The following SNX29 variants were observed in gnomAD, a reference collection of about 807,000 sequenced individuals.
The protein encoded by SNX29 is sorting nexin-29.
SNX29 carries 78 observed loss-of-function variants against 102.1 expected under a neutral mutation model. The ratio of observed to expected loss-of-function variants is 0.76; its 90% CI spans 0.64 to 0.92. SNX29 has a LOEUF of 0.92. SNX29 is among the 40% of genes least tolerant of loss of function. SNX29 has a pLI of 0.00. For missense variants in SNX29, 1,280 were observed against 1,061.7 expected (o/e 1.21, Z -2.86); for synonymous variants, 580 against 414.5 (o/e 1.40, Z -4.85).
chr16:12,462,519 A>G (rs1428677534), intron 18 of SNX29, among the ~76,000 whole-genome samples: 4 of 152,210 alleles, frequency 2.6e-5, no homozygotes, highest in African/African-American at 9.7e-5. Context: ...ATAAAAATCT[A>G]TCACCATTCA....
chr16:12,167,472 T>C (rs1704094), intron 13 of SNX29, among the ~76,000 whole-genome samples: 71,422 of 151,972 alleles, frequency 0.47, 21,292 homozygotes, highest in African/African-American at 0.83. Flanking sequence ...AGGGTTGACT[T>C]CTCCACCCAC....
rs555349232 is a variant in SNX29, at chr16:12,398,489, C to T, written c.1943C>T (p.Ser648Leu). The T allele has an allele frequency of 2.6e-5, 42 of 1,613,896 alleles. No homozygotes were observed. Among genetic ancestry groups the T allele is most frequent in the Non-Finnish European group, 3.5e-5 (41 of 1,179,858 alleles). The change falls in exon 17 of 21, where the codon TCG (serine) becomes TTG (leucine). Residue 648 changes from serine (S) to leucine (L), a missense_variant. Transcript: ENST00000566228. ...CAAACGTCCGAAGACCAGAGTTTGTCGGATTTTGAAATGTAAGTCCACAGC... is the reference window on the plus strand; with the variant it reads ...CAAACGTCCGAAGACCAGAGTTTGTTGGATTTTGAAATGTAAGTCCACAGC... ...LSQTSEDQSL[S>L]DFEISNRALI...
chr16:12,124,481 T>C (rs1244877042), intron 11 of SNX29, among the ~76,000 whole-genome samples: 1 of 152,252 alleles, frequency 6.6e-6, no homozygotes, highest in Non-Finnish European at 1.5e-5. Flanking sequence ...GATGTGCAGA[T>C]ACTATAGCAA....
At chr16:12,013,487 G>GAAAAAAA (rs1567525502) in intron 3 of SNX29, among the ~76,000 whole-genome samples, 1 of 6,990 alleles carries the variant, frequency 1.4e-4, no homozygotes, top group African/African-American at 3.1e-4. Context: ...CTCTACTGGG[G>GAAAAAAA]GAAAAAAAAA....
chr16:12,125,951 C>G (rs148666718), intron 11 of SNX29, among the ~76,000 whole-genome samples: 2 of 152,306 alleles, frequency 1.3e-5, no homozygotes, highest in Non-Finnish European at 2.9e-5. Context: ...ACCTGCTCTT[C>G]CAAATGCCAC....
intron 20 of SNX29, chr16:12,526,518 T>C (rs1038568656): frequency 5.9e-6 from 3 of 510,506 alleles, no homozygotes; most frequent in African/African-American, 5.7e-5. Context: ...GAACGCTTTA[T>C]TTTTCTTTTC....
intron 13 of SNX29, among the ~76,000 whole-genome samples, chr16:12,181,613 C>G (rs546608832): frequency 1.3e-5 from 2 of 151,882 alleles, no homozygotes; most frequent in South Asian, 2.1e-4. Flanking sequence ...TTTCCTTTCA[C>G]TTTCCTTCCA....
At chr16:12,399,400 C>T (rs1048294694) in intron 17 of SNX29, among the ~76,000 whole-genome samples, 3 of 152,152 alleles carry the variant, frequency 2.0e-5, no homozygotes, top group African/African-American at 7.2e-5. Flanking sequence ...ATCCCTTAGG[C>T]TGGTAAAGGA....
chr16:12,472,256 C>T (rs939270161), intron 18 of SNX29, among the ~76,000 whole-genome samples: 3 of 152,152 alleles, frequency 2.0e-5, no homozygotes, highest in African/African-American at 7.2e-5. Flanking sequence ...GGTGGTGGCT[C>T]ACGCCTGTAA....
rs540279121 is a variant in SNX29 at position 12,551,411 on chromosome 16, T to C, written c.2319-17095T>C. Reference sequence around the variant, plus strand: ...GTAGGATTGCTTTCAAGTTGGGGTCTCAGCCACAGCTTGCACATTCGATCA... The same window carrying C: ...GTAGGATTGCTTTCAAGTTGGGGTCCCAGCCACAGCTTGCACATTCGATCA... On this transcript the variant is annotated intron_variant, in intron 20 of 20. Coordinates refer to ENST00000566228, the MANE Select transcript of SNX29 (RefSeq NM_032167.5). Among the ~76,000 whole-genome samples, 377 of 152,340 alleles carry C rather than the reference T, an allele frequency of 2.5e-3. 1 individual carries two copies. The highest frequency in any genetic ancestry group is 8.9e-3 in the African/African-American group (370 of 41,586).
chr16:12,569,614 T>G lies in SNX29; in HGVS notation c.*985T>G. On this transcript the variant is annotated 3_prime_UTR_variant, in exon 21 of 21. Coordinates refer to ENST00000566228, the MANE Select transcript of SNX29 (RefSeq NM_032167.5). ...CGTCTGCCCCCGACATTGTCCTTGA[T>G]AACAGAACTCTGCATCCCCTAAGAC... 1 of 216,620 alleles carries G rather than the reference T, an allele frequency of 4.6e-6. No homozygotes were observed. Among genetic ancestry groups the G allele is most frequent in the East Asian group, 6.3e-5 (1 of 15,974 alleles). 13.4% of individuals were successfully genotyped at this position (216,620 alleles called of 1,614,324 possible). A position where few individuals can be genotyped will look rare whatever the true frequency, so the allele number is the denominator to read the frequency against.
chr16:12,311,306 G>A (rs2080535297), intron 15 of SNX29, among the ~76,000 whole-genome samples: 1 of 152,108 alleles, frequency 6.6e-6, no homozygotes, highest in African/African-American at 2.4e-5. Flanking sequence ...CCATTACAAA[G>A]GGGACAGGAA....
chr16:12,225,986 C>A (rs1261638770), intron 14 of SNX29, among the ~76,000 whole-genome samples: 1 of 152,210 alleles, frequency 6.6e-6, no homozygotes, highest in Non-Finnish European at 1.5e-5. Flanking sequence ...GCATCCAGCC[C>A]TCATCCTCCG....
intron 19 of SNX29, among the ~76,000 whole-genome samples, chr16:12,496,303 G>A (rs749423373): frequency 6.6e-6 from 1 of 152,170 alleles, no homozygotes; most frequent in Admixed American, 6.5e-5. Flanking sequence ...TTCCGTGGTG[G>A]TGGTGATGAT....
In SNX29 at chr16:12,356,248, T is replaced by C. The variant is rs1483130904; in HGVS notation, c.1868T>C (p.Met623Thr). The stretch of plus-strand genomic sequence containing the variant: ...GCCAAGGAAGCCCTCGTGTCCCAGA[T>C]GAGGCAGGAGCTCATCGATCTCCGG... ...LVAKEALVSQMRQELIDLRGP... is the reference protein window; with the variant it reads ...LVAKEALVSQTRQELIDLRGP... The change falls in exon 16 of 21, where the codon ATG becomes ACG. Residue 623 changes from methionine (M) to threonine (T), a missense_variant. Coordinates refer to ENST00000566228, the MANE Select transcript of SNX29 (RefSeq NM_032167.5). The C allele has an allele frequency of 6.2e-7, 1 of 1,612,120 alleles. No individual in the cohort carries two copies. The highest frequency in any genetic ancestry group is 1.1e-5 in the South Asian group (1 of 90,396).
intron 18 of SNX29, among the ~76,000 whole-genome samples, chr16:12,407,531 A>G (rs61321067): frequency 0.06 from 9,083 of 152,290 alleles, 353 homozygotes; most frequent in East Asian, 0.19. Flanking sequence ...TGAATGATTG[A>G]TATTTGGGTA....
intron 11 of SNX29, among the ~76,000 whole-genome samples, chr16:12,109,267 G>A (rs1157867401): frequency 6.6e-6 from 1 of 152,010 alleles, no homozygotes; most frequent in Non-Finnish European, 1.5e-5. Context: ...TCCTGAACTG[G>A]CATAGAGCAG....
chr16:12,188,191 A>C (rs1238860908), intron 13 of SNX29, among the ~76,000 whole-genome samples: 1 of 152,216 alleles, frequency 6.6e-6, no homozygotes, highest in African/African-American at 2.4e-5. Context: ...ACATTTATTT[A>C]ATAATTACCA....
intron 16 of SNX29, among the ~76,000 whole-genome samples, chr16:12,359,427 C>G (rs1353577659): frequency 6.6e-6 from 1 of 152,220 alleles, no homozygotes; most frequent in African/African-American, 2.4e-5. Flanking sequence ...GTTCCCCATT[C>G]TGGGTTTCAC....
Sources: gnomAD v4.1 joint callset for allele counts (sites outside exome capture counted in the v4.1 genomes callset) on GRCh38, gnomAD v4.1.1 for gene constraint, MANE v1.5 for transcripts, NCBI Gene and HGNC (gene_info 2026-07-23, HGNC 2026-07-21) for gene names.